Variants in ZNF582 observed in about 807,000 individuals in gnomAD.
ZNF582 encodes zinc finger protein 582.
In ZNF582, 14 loss-of-function variants were observed where a neutral mutation model predicts 12.3. That is an observed-to-expected ratio of 1.14 (90% CI 0.75 to 1.78). The LOEUF (loss-of-function observed/expected upper bound fraction) is 1.78. Among genes scored for constraint, ZNF582 ranks in the 40% most tolerant of loss-of-function variants. ZNF582 has a pLI of 0.00. For missense variants in ZNF582, 567 were observed against 616.5 expected (o/e 0.92, Z 0.85); for synonymous variants, 210 against 207.2 (o/e 1.01, Z -0.11).
At chr19:56,384,011 G>T in exon 5 of ZNF582, 2 of 1,613,742 alleles carry the variant, frequency 1.2e-6, no homozygotes, top group Middle Eastern at 1.7e-4. Context: ...CATTCTCTGA[G>T]GTTGAACGGT....
chr19:56,384,592 T>TC lies in ZNF582; in HGVS notation c.824dup (p.Thr276AsnfsTer11). On this transcript the variant is annotated frameshift_variant, in exon 5 of 5. Transcript: ENST00000586929. LOFTEE classifies it low-confidence loss of function (END_TRUNC). ...GATAGGGTTTCTCGCCTGTGTGAGT[T>TC]CGCTGATGTTCAATCAACTGTGAGC... 6.2e-7 allele frequency: 1 copy of TC among 1,614,148 alleles called. No homozygotes were observed.
chr19:56,390,367 C>T lies in ZNF582; in HGVS notation c.136+8G>A, dbSNP rs765562292. 2 of 1,614,112 alleles carry T rather than the reference C, an allele frequency of 1.2e-6. No individual in the cohort carries two copies. The highest frequency in any genetic ancestry group is 2.2e-5 in the South Asian group (2 of 91,084). Reference sequence around the variant, plus strand: ...TAACCTCCAAACTAACAGACGAGATCACCTTACCCAGTGAGACCAGGTTGC... The same window carrying T: ...TAACCTCCAAACTAACAGACGAGATTACCTTACCCAGTGAGACCAGGTTGC... On this transcript the variant is annotated splice_region_variant and intron_variant, in intron 3 of 4. Coordinates refer to ENST00000586929, the Ensembl canonical transcript of ZNF582.
In ZNF582 at chr19:56,389,860, T is replaced by C. The variant is rs2042000364; in HGVS notation, c.232+141A>G. ...AGCAGCCACCTTTGTCAAATGCTGC[T>C]GACGAGCTGAGGAAAACAACACGTA... On this transcript the variant is annotated intron_variant, in intron 4 of 4. Coordinates refer to ENST00000586929, the Ensembl canonical transcript of ZNF582. 3.1e-5 allele frequency: 19 copies of C among 618,226 alleles called. No individual in the cohort carries two copies. The South Asian group carries it at 3.6e-4, about 12-fold the overall frequency. The allele number at this position is 618,226 out of a possible 1,614,324, so 38.3% of individuals were successfully genotyped here.
chr19:56,391,750 C>T (rs1372685589), exon 2 of ZNF582: 2 of 1,613,704 alleles, frequency 1.2e-6, no homozygotes, highest in Non-Finnish European at 1.7e-6. Context: ...TCACAAGGGA[C>T]ATGACTTTTA....
intron 2 of ZNF582, among the ~76,000 whole-genome samples, chr19:56,391,332 A>C (rs886766282): frequency 6.6e-6 from 1 of 152,228 alleles, no homozygotes; most frequent in Admixed American, 6.5e-5. Context: ...ATGGATTCCC[A>C]GCCAAACCTC....
exon 5 of ZNF582, chr19:56,384,269 T>C (rs753047806): frequency 1.9e-6 from 3 of 1,614,090 alleles, no homozygotes; most frequent in Non-Finnish European, 2.5e-6. Context: ...CTGATGTTGC[T>C]TGAGTTGTGA....
intron 4 of ZNF582, among the ~76,000 whole-genome samples, 172 bp downstream of exon 4, chr19:56,389,829 G>A (rs186667746): frequency 1.9e-4 from 29 of 152,194 alleles, no homozygotes; most frequent in Non-Finnish European, 4.0e-4. Flanking sequence ...TGTTTCAGGA[G>A]GAAGGAGCAG....
intron 1 of ZNF582, 143 bp from the exon 2 acceptor site, chr19:56,391,975 C>G: frequency 3.1e-6 from 2 of 653,238 alleles, no homozygotes; most frequent in Admixed American, 2.9e-5. Context: ...CACCCAACCC[C>G]AGGAAACCAG....
intron 4 of ZNF582, among the ~76,000 whole-genome samples, chr19:56,387,007 T>C (rs1009236343): frequency 5.9e-5 from 9 of 152,228 alleles, no homozygotes; most frequent in Admixed American, 6.5e-5. Context: ...ATATAACCCT[T>C]AAACGTTTAT....
chr19:56,384,687 G>T (rs773734214), exon 5 of ZNF582: 9 of 1,612,742 alleles, frequency 5.6e-6, no homozygotes, highest in Non-Finnish European at 7.6e-6. Context: ...CTCTGATGTT[G>T]TATAAAATTT....
chr19:56,393,211 C>A lies in ZNF582; in HGVS notation c.-81+9G>T, dbSNP rs780223952. ...AATTTCAGGGGGTCGGAGACCCCTG[C>A]GCACCCACCTAAGGGGTCCATGCAC... is the stretch of plus-strand genomic sequence containing the variant. On this transcript the variant is annotated intron_variant, in intron 1 of 4. Transcript: ENST00000586929. The A allele has an allele frequency of 1.5e-4, 193 of 1,263,024 alleles. No homozygotes were observed. Among genetic ancestry groups the A allele is most frequent in the Non-Finnish European group, 1.9e-4 (182 of 981,986 alleles). 78.2% of individuals were successfully genotyped at this position (1,263,024 alleles called of 1,614,324 possible).
intron 1 of ZNF582, 26 bp from the exon 2 acceptor site, chr19:56,391,858 G>A (rs1490338484): frequency 6.2e-7 from 1 of 1,601,898 alleles, no homozygotes; most frequent in Admixed American, 1.7e-5. Flanking sequence ...GCAAACATGA[G>A]AGGCTAGGCT....
chr19:56,387,099 T>G (rs1468901990), intron 4 of ZNF582, among the ~76,000 whole-genome samples: 1 of 152,224 alleles, frequency 6.6e-6, no homozygotes, highest in Non-Finnish European at 1.5e-5. Context: ...AACTCCAGTG[T>G]GATACTACTC....
chr19:56,384,179 T>G, exon 5 of ZNF582: 1 of 1,612,050 alleles, frequency 6.2e-7, no homozygotes, highest in Non-Finnish European at 8.5e-7. Flanking sequence ...AATTCTGTAA[T>G]GTACAGTAAG....
chr19:56,392,045 C>T (rs2042018266), intron 1 of ZNF582, among the ~76,000 whole-genome samples: 1 of 152,240 alleles, frequency 6.6e-6, no homozygotes, highest in South Asian at 2.1e-4. Context: ...TTCCCCTAAA[C>T]ATCCAGTGGT....
intron 4 of ZNF582, among the ~76,000 whole-genome samples, chr19:56,389,111 A>G (rs2041994760): frequency 6.6e-6 from 1 of 152,158 alleles, no homozygotes; most frequent in African/African-American, 2.4e-5. Context: ...TGGCCCTACC[A>G]TGCACCCTGA....
chr19:56,391,618 G>C, intron 2 of ZNF582, 126 bp downstream of exon 2: 1 of 785,070 alleles, frequency 1.3e-6, no homozygotes, highest in Admixed American at 2.0e-5. Flanking sequence ...CAATGGGAGA[G>C]GAGACTCCTG....
chr19:56,385,119 G>T (rs2147506783), exon 5 of ZNF582: 1 of 1,613,262 alleles, frequency 6.2e-7, no homozygotes, highest in Non-Finnish European at 8.5e-7. Context: ...TCCCATTGGG[G>T]TGATTCGACT....
At chr19:56,390,279 GACCA>G (rs1264215527) in intron 3 of ZNF582, 92 bp downstream of exon 3, 3 of 1,576,924 alleles carry the variant, frequency 1.9e-6, no homozygotes, top group East Asian at 2.2e-5. Context: ...CCTCAAAAAT[GACCA>G]ACCAATCATA....
Sources: allele counts gnomAD v4.1 joint callset (sites outside exome capture counted in the v4.1 genomes callset), GRCh38; gene constraint gnomAD v4.1.1; transcripts MANE v1.5; gene names NCBI Gene and HGNC (gene_info 2026-07-23, HGNC 2026-07-21).